The following BID variants were observed in gnomAD, a reference collection of about 807,000 sequenced individuals.
BID encodes the protein BH3-interacting domain death agonist.
A neutral mutation model predicts 17.4 loss-of-function variants in BID; 19 were observed. The ratio of observed to expected loss-of-function variants is 1.09; its 90% CI spans 0.76 to 1.60. The LOEUF is 1.60. BID is among the 40% of genes most tolerant of loss of function. The pLI, the probability that BID is intolerant of heterozygous loss-of-function variation, is 0.00. For synonymous variants in BID, 108 were observed against 102.8 expected (o/e 1.05, Z -0.31); for missense variants, 226 against 256.0 (o/e 0.88, Z 0.80).
In BID at chr22:17,735,403, A is replaced by ATATT; in HGVS notation, c.*173_*176dup. 1.5e-6 allele frequency: 1 copy of ATATT among 660,504 alleles called. No homozygotes were observed. The highest frequency in any genetic ancestry group is 1.9e-5 in the South Asian group (1 of 51,922). 40.9% of individuals were successfully genotyped at this position (660,504 alleles called of 1,614,324 possible). On this transcript the variant is annotated 3_prime_UTR_variant, in exon 6 of 6. Coordinates refer to ENST00000622694, the MANE Select transcript of BID (RefSeq NM_001196.4). ...TTTTCATTCAAGTATATTAATGTAG[A>ATATT]TATTTTAAAGTGGGTTATAAGTTTA...
chr22:17,748,805 C>T (rs569803281), intron 2 of BID, among the ~76,000 whole-genome samples: 1 of 152,212 alleles, frequency 6.6e-6, no homozygotes, highest in African/African-American at 2.4e-5. Flanking sequence ...GTTCTACCTG[C>T]GGAGGCCGCC....
In BID at chr22:17,769,336, CG is replaced by C. The variant is rs1455900434; in HGVS notation, c.-59+5044del. Among the ~76,000 whole-genome samples, 1 of 152,208 alleles carries C rather than the reference CG, an allele frequency of 6.6e-6. No individual in the cohort carries two copies. Among genetic ancestry groups the C allele is most frequent in the Non-Finnish European group, 1.5e-5 (1 of 68,022 alleles). On this transcript the variant is annotated intron_variant, in intron 1 of 5. Transcript: ENST00000622694. The surrounding 1 kb of genome is among the most constrained non-coding windows in gnomAD (Gnocchi z 4.8). ...TAGCTGGGCTCCCTGCTCAGTTGGC[CG>C]GGTTTGGGGCTGGATGTCTGCAGGG...
In BID at chr22:17,773,726, C is replaced by G. The variant is rs1001657022; in HGVS notation, c.-59+655G>C. 5.6e-6 allele frequency: 9 copies of G among 1,596,630 alleles called. No individual in the cohort carries two copies. Among genetic ancestry groups the G allele is most frequent in the African/African-American group, 1.3e-5 (1 of 74,660 alleles). ...GAATGAATGAATGAACCCTTGCCAGCCCAGCCACTTGGTGGCTGAGGGCTT... is the reference window on the plus strand; with the variant it reads ...GAATGAATGAATGAACCCTTGCCAGGCCAGCCACTTGGTGGCTGAGGGCTT... On this transcript the variant is annotated intron_variant, in intron 1 of 5. Transcript: ENST00000622694. This position sits in a 1 kb window ranked among gnomAD's most constrained non-coding sequence, Gnocchi z 4.4.
intron 1 of BID, among the ~76,000 whole-genome samples, chr22:17,770,262 G>C (rs1267116528): frequency 2.0e-5 from 3 of 152,178 alleles, no homozygotes; most frequent in Non-Finnish European, 4.4e-5. Context: ...TGTAAAGGTG[G>C]ACAGGTCATG....
intron 1 of BID, among the ~76,000 whole-genome samples, chr22:17,750,422 C>T (rs1174231064): frequency 6.6e-6 from 1 of 152,262 alleles, no homozygotes; most frequent in Non-Finnish European, 1.5e-5. Flanking sequence ...TCCCATGCCG[C>T]CCCAGGAAGA....
chr22:17,740,431 A>C, intron 3 of BID: 5 of 375,426 alleles, frequency 1.3e-5, no homozygotes, highest in Admixed American at 4.7e-5. Flanking sequence ...TCTACAAGAA[A>C]CTTTTTTTTT....
intron 1 of BID, among the ~76,000 whole-genome samples, chr22:17,751,190 G>C (rs1439050061): frequency 6.6e-6 from 1 of 151,718 alleles, no homozygotes; most frequent in East Asian, 1.9e-4. Flanking sequence ...GGCTAACAAG[G>C]TGAAACCCCG....
intron 1 of BID, among the ~76,000 whole-genome samples, chr22:17,767,727 G>A (rs1290773061): frequency 6.6e-6 from 1 of 152,198 alleles, no homozygotes; most frequent in Non-Finnish European, 1.5e-5. Context: ...AGAACACAGA[G>A]TCAGGGGCAG....
chr22:17,743,510 C>G (rs2061474593), intron 3 of BID, among the ~76,000 whole-genome samples: 1 of 152,218 alleles, frequency 6.6e-6, no homozygotes, highest in Admixed American at 6.5e-5. Context: ...ATAAAAACAC[C>G]ATTCTATGTT....
rs1344125554 is a variant in BID, at chr22:17,738,017, A to C, written c.576T>G (p.Asn192Lys). ...AGGAGCTGACCTCAAGGGTTCTTAC[A>C]TTTCTGGCTAAGCTCCTCACGTAGG... Reference protein sequence around the residue: ...LRTYVRSLARNGMD With the variant: ...LRTYVRSLARKGMD Residue 192 changes from asparagine to lysine, a missense_variant and splice_region_variant, in exon 5 of 6, where the codon AAT becomes AAG. Transcript: ENST00000622694. 5.0e-6 allele frequency: 8 copies of C among 1,614,022 alleles called. No homozygotes were observed. Among genetic ancestry groups the C allele is most frequent in the Non-Finnish European group, 6.8e-6 (8 of 1,179,922 alleles).
intron 1 of BID, among the ~76,000 whole-genome samples, chr22:17,770,394 G>A (rs1256193723): frequency 1.3e-5 from 2 of 152,150 alleles, no homozygotes; most frequent in Non-Finnish European, 2.9e-5. Context: ...CACTTACAAA[G>A]GGTTTTCCCT....
At chr22:17,751,366 G>A (rs1264937184) in intron 1 of BID, among the ~76,000 whole-genome samples, 1 of 149,646 alleles carries the variant, frequency 6.7e-6, no homozygotes, top group East Asian at 2.0e-4. Flanking sequence ...GCGACAGAGC[G>A]AGACTCCGTC....
At position 17,735,318 on chromosome 22, in the gene BID, C is replaced by G. The variant is rs113283699; in HGVS notation, c.*262G>C. 526 of 463,240 alleles carry G rather than the reference C, an allele frequency of 1.1e-3. No homozygotes were observed. Among genetic ancestry groups the G allele is most frequent in the African/African-American group, 9.0e-3 (448 of 49,848 alleles). The allele number at this position is 463,240 out of a possible 1,614,324, so 28.7% of individuals were successfully genotyped here. A position where few individuals can be genotyped will look rare whatever the true frequency, so the allele number is the denominator to read the frequency against. ...AATAAAGGCACCGTGTGTAGATTTA[C>G]AGATGTGCAGATTCATGTGTGGATG... On this transcript the variant is annotated 3_prime_UTR_variant, in exon 6 of 6. Transcript: ENST00000622694.
chr22:17,744,889 C>T (rs879464887), intron 2 of BID, among the ~76,000 whole-genome samples: 2 of 152,080 alleles, frequency 1.3e-5, no homozygotes, highest in South Asian at 2.1e-4. Context: ...CTGAGATCTG[C>T]GCAGATTCAC....
intron 1 of BID, among the ~76,000 whole-genome samples, chr22:17,768,731 G>A (rs774218661): frequency 4.6e-5 from 7 of 152,292 alleles, no homozygotes; most frequent in Non-Finnish European, 1.0e-4. Context: ...AAATTAGCCG[G>A]CATGGTGGTG....
At chr22:17,741,567 G>A (rs184217080) in intron 3 of BID, among the ~76,000 whole-genome samples, 4 of 151,028 alleles carry the variant, frequency 2.6e-5, no homozygotes, top group Non-Finnish European at 4.4e-5. Context: ...TCCGCTTCCC[G>A]GGTTCAAACA....
rs889666492 is a variant in BID, at chr22:17,745,551, G to A, written c.13-1538C>T. On this transcript the variant is annotated intron_variant, in intron 2 of 5. Coordinates refer to ENST00000622694, the MANE Select transcript of BID (RefSeq NM_001196.4). ...TGCAGTCCCAGCTACTCATGAGACT[G>A]AGGCGGGAAGGTCACTTGAGCCCAG... Among the ~76,000 whole-genome samples the A allele has an allele frequency of 9.9e-5, 15 of 152,192 alleles. 1 individual carries two copies. The highest frequency in any genetic ancestry group is 7.9e-4 in the Admixed American group (12 of 15,284).
Position 17,743,713 on chromosome 22 carries a change from C to T in BID, c.223+90G>A, listed in dbSNP as rs541034044. 1.5e-5 allele frequency: 21 copies of T among 1,361,984 alleles called. No homozygotes were observed. In the East Asian group the frequency reaches 1.8e-4, roughly 11 times the overall value. The allele number at this position is 1,361,984 out of a possible 1,614,324, so 84.4% of individuals were successfully genotyped here. ...TGAAACTGCAGAGGCAGAGTGATCC[C>T]GGGGGTCCCTTCCAGCCCTGAGGCT... On this transcript the variant is annotated intron_variant, in intron 3 of 5. Coordinates refer to ENST00000622694, the MANE Select transcript of BID (RefSeq NM_001196.4).
intron 1 of BID, among the ~76,000 whole-genome samples, chr22:17,763,303 G>T (rs908659846): frequency 6.6e-6 from 1 of 151,458 alleles, no homozygotes; most frequent in Non-Finnish European, 1.5e-5. Flanking sequence ...GAGTGCAGTG[G>T]CACAATCTTG....
Sources: allele counts gnomAD v4.1 joint callset (sites outside exome capture counted in the v4.1 genomes callset), GRCh38; gene constraint gnomAD v4.1.1; non-coding constraint Gnocchi (gnomAD v3.1); transcripts MANE v1.5; gene names NCBI Gene and HGNC (gene_info 2026-07-23, HGNC 2026-07-21).